INO80: variants seen among roughly 807,000 people sequenced by gnomAD.
INO80 encodes the protein INO80 complex ATPase subunit.
Under a neutral mutation model 203.4 loss-of-function variants are expected in INO80, and 20 were observed. The observed-to-expected ratio is 0.10, with a 90% CI of 0.07 to 0.14. The LOEUF (loss-of-function observed/expected upper bound fraction) is 0.14, where lower values mean the gene tolerates loss of function less well. INO80 is among the 10% of genes least tolerant of loss of function. INO80 has a pLI of 1.00. For missense variants in INO80, 1,419 were observed against 1,914.4 expected (o/e 0.74, Z 4.83); for synonymous variants, 726 against 685.2 (o/e 1.06, Z -0.93).
At chr15:41,068,374 G>A (rs779135941) in intron 14 of INO80, among the ~76,000 whole-genome samples, 2 of 152,024 alleles carry the variant, frequency 1.3e-5, no homozygotes, top group African/African-American at 2.4e-5. Flanking sequence ...GACCAACATC[G>A]TCAGTAGAGA....
chr15:41,100,118 A>C lies in INO80; in HGVS notation c.-43-3765T>G, dbSNP rs1490870788. On this transcript the variant is annotated intron_variant, in intron 1 of 35. Transcript: ENST00000648947. ...TTTTTGAGACAAAGTCTTGTAGCCG[A>C]GGCTGGAATGCTGTGGCCCAATCTC... Among the ~76,000 whole-genome samples the C allele has an allele frequency of 2.0e-5, 3 of 152,046 alleles. No homozygotes were observed. In the East Asian group the frequency reaches 5.8e-4, roughly 29 times the overall value.
At chr15:40,995,105 C>CT (rs1202445410) in intron 29 of INO80, among the ~76,000 whole-genome samples, 1 of 152,238 alleles carries the variant, frequency 6.6e-6, no homozygotes, top group Non-Finnish European at 1.5e-5. Context: ...ATCTGCCCAC[C>CT]TCAGCCTCCC....
At chr15:40,993,253 A>G (rs1199571457) in intron 29 of INO80, among the ~76,000 whole-genome samples, 1 of 151,584 alleles carries the variant, frequency 6.6e-6, no homozygotes, top group Non-Finnish European at 1.5e-5. Context: ...CAAGGTGCAG[A>G]TCTCTCTTTA....
intron 14 of INO80, among the ~76,000 whole-genome samples, chr15:41,066,654 C>T (rs919389409): frequency 2.6e-5 from 4 of 150,986 alleles, no homozygotes; most frequent in African/African-American, 7.3e-5. Flanking sequence ...CATAGCAAGA[C>T]GGCACCATAA....
At chr15:41,015,124 G>A (rs889471738) in intron 27 of INO80, among the ~76,000 whole-genome samples, 8 of 152,016 alleles carry the variant, frequency 5.3e-5, no homozygotes, top group African/African-American at 9.7e-5. Flanking sequence ...TAAAAAATAA[G>A]TCACCACTCA....
intron 23 of INO80, among the ~76,000 whole-genome samples, chr15:41,045,747 A>G (rs923137541): frequency 2.0e-5 from 3 of 151,400 alleles, no homozygotes; most frequent in African/African-American, 7.3e-5. Context: ...AAAGAATACA[A>G]AAAATTAGCC....
chr15:41,107,991 T>C (rs961416398), intron 1 of INO80, among the ~76,000 whole-genome samples: 3 of 151,874 alleles, frequency 2.0e-5, no homozygotes, highest in African/African-American at 7.3e-5. Flanking sequence ...TCCCAGCTAC[T>C]AGGGAGACTG....
At chr15:41,097,756 G>A (rs2045746552) in intron 1 of INO80, among the ~76,000 whole-genome samples, 1 of 152,024 alleles carries the variant, frequency 6.6e-6, no homozygotes, top group African/African-American at 2.4e-5. Flanking sequence ...TTACAGGCAT[G>A]AGCCACTGTA....
intron 32 of INO80, among the ~76,000 whole-genome samples, 192 bp from the exon 33 acceptor site, chr15:40,984,544 G>T (rs1278380598): frequency 6.6e-6 from 1 of 151,858 alleles, no homozygotes; most frequent in African/African-American, 2.4e-5. Flanking sequence ...TATTTCAGTC[G>T]AGTACTGTGG....
Position 41,081,890 on chromosome 15 carries a change from A to C in INO80, c.874-817T>G, listed in dbSNP as rs192957991. Among the ~76,000 whole-genome samples the C allele has an allele frequency of 2.7e-3, 408 of 152,316 alleles. 3 individuals carry two copies. The highest frequency in any genetic ancestry group is 0.013 in the South Asian group (62 of 4,830). On this transcript the variant is annotated intron_variant, in intron 7 of 35. Transcript: ENST00000648947. ...GAATATATGAGCCTTTTATAAAAAA[A>C]AAACTCTTACTAATTAAAGAGCTAT...
At chr15:41,004,475 A>C (rs2044008303) in intron 28 of INO80, 2 of 152,342 alleles carry the variant, frequency 1.3e-5, no homozygotes, top group South Asian at 4.1e-4. Flanking sequence ...TAAAAGCCAA[A>C]GTCAAAGCTG....
intron 1 of INO80, among the ~76,000 whole-genome samples, chr15:41,104,835 C>A (rs1037420510): frequency 6.6e-6 from 1 of 152,004 alleles, no homozygotes; most frequent in African/African-American, 2.4e-5. Context: ...CCACCACACC[C>A]GGCCAACTTA....
chr15:41,097,560 C>T (rs2045744437), intron 1 of INO80, among the ~76,000 whole-genome samples: 1 of 150,920 alleles, frequency 6.6e-6, no homozygotes, highest in Admixed American at 6.6e-5. Flanking sequence ...GCAACCTCTG[C>T]CTCACAGGTT....
intron 14 of INO80, among the ~76,000 whole-genome samples, chr15:41,064,144 C>T (rs2045167462): frequency 6.6e-6 from 1 of 152,140 alleles, no homozygotes. Flanking sequence ...CAAACTTTGA[C>T]CTAAATCAAC....
chr15:41,007,018 G>C (rs1413885141), intron 27 of INO80, among the ~76,000 whole-genome samples: 2 of 152,064 alleles, frequency 1.3e-5, no homozygotes, highest in African/African-American at 2.4e-5. Flanking sequence ...ATGGTCCTTA[G>C]AGGCTTGCTA....
At chr15:41,075,247 T>C (rs1244346274) in intron 9 of INO80, among the ~76,000 whole-genome samples, 1 of 152,108 alleles carries the variant, frequency 6.6e-6, no homozygotes, top group East Asian at 1.9e-4. Context: ...TTATTATTTT[T>C]GAAAATGTAC....
intron 29 of INO80, among the ~76,000 whole-genome samples, chr15:40,993,570 C>A (rs931576903): frequency 1.3e-5 from 2 of 151,958 alleles, no homozygotes; most frequent in African/African-American, 2.4e-5. Context: ...ACCAGCCTGG[C>A]CAACGTGGTA....
At chr15:41,035,739 G>A (rs947802904) in intron 24 of INO80, among the ~76,000 whole-genome samples, 4 of 141,270 alleles carry the variant, frequency 2.8e-5, no homozygotes, top group South Asian at 2.4e-4. Context: ...GGAGAATGGC[G>A]TGAAACTGGG....
rs953594903 is a variant in INO80 at position 41,071,747 on chromosome 15, C to T, written c.1605+102G>A. On this transcript the variant is annotated intron_variant, in intron 12 of 35. Transcript: ENST00000648947. ...AAGTGCTGGAATTGCAGGCATGAGC[C>T]ACCGCGCTCAGCCAGATCTTGTACT... 7.0e-5 allele frequency: 75 copies of T among 1,068,938 alleles called. 3 individuals carry two copies. The South Asian group carries it at 8.7e-4, about 12-fold the overall frequency. 66.2% of individuals were successfully genotyped at this position (1,068,938 alleles called of 1,614,324 possible). A position where few individuals can be genotyped will look rare whatever the true frequency, so the allele number is the denominator to read the frequency against.
Sources: gnomAD v4.1 joint callset for allele counts (sites outside exome capture counted in the v4.1 genomes callset) on GRCh38, gnomAD v4.1.1 for gene constraint, MANE v1.5 for transcripts, NCBI Gene and HGNC (gene_info 2026-07-23, HGNC 2026-07-21) for gene names.